PDZD2: variants seen among roughly 807,000 people sequenced by gnomAD.
The protein encoded by PDZD2 is PDZ domain containing 2.
PDZD2 carries 90 observed loss-of-function variants against 220.7 expected under a neutral mutation model. The observed-to-expected ratio is 0.41, with a 90% confidence interval of 0.34 to 0.49. PDZD2 has a LOEUF of 0.49. PDZD2 is among the 20% of genes least tolerant of loss of function. The probability of loss-of-function intolerance (pLI) is 0.28; values close to 1 mark genes in which losing one functional copy is unlikely to be tolerated. For synonymous variants in PDZD2, 1,375 were observed against 1,450.5 expected, an observed-to-expected ratio of 0.95 and a Z score of 1.18; for missense variants, 3,174 against 3,608.5, an observed-to-expected ratio of 0.88 and a Z score of 3.08.
intron 2 of PDZD2, among the ~76,000 whole-genome samples, chr5:31,870,148 G>C (rs1738651993): frequency 6.6e-6 from 1 of 152,116 alleles, no homozygotes; most frequent in Non-Finnish European, 1.5e-5. Flanking sequence ...GCTCTAGCTT[G>C]GGGAATTCTA....
At chr5:32,017,115 C>T (rs1430645011) in intron 6 of PDZD2, among the ~76,000 whole-genome samples, 2 of 152,202 alleles carry the variant, frequency 1.3e-5, no homozygotes, top group African/African-American at 4.8e-5. Context: ...GGTCGCCTTC[C>T]ACTGTCTTGC....
rs1184669214 is a variant in PDZD2 at position 32,042,789 on chromosome 5, G to T, written c.1519+5447G>T. 2.6e-5 allele frequency among the ~76,000 whole-genome samples: 4 copies of T among 152,154 alleles called. No individual in the cohort carries two copies. In the East Asian group the frequency reaches 7.7e-4, roughly 29 times the overall value. On this transcript the variant is annotated intron_variant, in intron 7 of 24. Coordinates refer to ENST00000438447, the MANE Select transcript of PDZD2 (RefSeq NM_178140.4). ...AAGAACAAAGAGAAAGTCATTTAAG[G>T]CCTTTGTGTTTGGGGCGAGGGAGTC...
chr5:31,878,646 G>GC (rs1380066869), intron 2 of PDZD2, among the ~76,000 whole-genome samples: 4 of 129,430 alleles, frequency 3.1e-5, no homozygotes, highest in Admixed American at 3.0e-4. Flanking sequence ...TGCAGGCTCC[G>GC]CCCCCCGGGG....
At chr5:32,105,869 G>T (rs1458112147) in intron 24 of PDZD2, among the ~76,000 whole-genome samples, 1 of 152,024 alleles carries the variant, frequency 6.6e-6, no homozygotes, top group African/African-American at 2.4e-5. Flanking sequence ...TGGTTTAAAC[G>T]AGAGAATTTA....
At chr5:31,961,506 C>T (rs1455656705) in intron 2 of PDZD2, among the ~76,000 whole-genome samples, 1 of 152,192 alleles carries the variant, frequency 6.6e-6, no homozygotes, top group East Asian at 1.9e-4. Context: ...TACACTCCAA[C>T]CTGGGCAACA....
chr5:31,840,981 T>G, intron 2 of PDZD2: 1 of 426,366 alleles, frequency 2.3e-6, no homozygotes. Flanking sequence ...TTTTGGCGAA[T>G]TACTGGAGGA....
chr5:31,720,993 A>G (rs781162645), intron 1 of PDZD2, among the ~76,000 whole-genome samples: 9 of 152,122 alleles, frequency 5.9e-5, no homozygotes, highest in Non-Finnish European at 1.2e-4. Flanking sequence ...GGTGGGGGAA[A>G]ACGAGAGAGG....
intron 1 of PDZD2, among the ~76,000 whole-genome samples, chr5:31,680,593 C>G (rs1000292695): frequency 6.6e-6 from 1 of 152,168 alleles, no homozygotes; most frequent in Non-Finnish European, 1.5e-5. Flanking sequence ...GGGCTGGAAT[C>G]GACCTGCATG....
At chr5:31,967,585 G>A (rs1215251760) in intron 2 of PDZD2, among the ~76,000 whole-genome samples, 1 of 152,194 alleles carries the variant, frequency 6.6e-6, no homozygotes, top group Non-Finnish European at 1.5e-5. Flanking sequence ...AGATACATCA[G>A]ACATAATCTC....
At position 31,797,089 on chromosome 5, in the gene PDZD2, A is replaced by G. The variant is rs932762042; in HGVS notation, c.-360-1800A>G. On this transcript the variant is annotated intron_variant, in intron 1 of 24. Coordinates refer to ENST00000438447, the MANE Select transcript of PDZD2 (RefSeq NM_178140.4). ...ACCACAGGCGCCCGCCACCACACCC[A>G]GCTAATTTTTTTTTTTTTTTTTTTT... 5.4e-4 allele frequency among the ~76,000 whole-genome samples: 64 copies of G among 118,610 alleles called. 3 individuals are homozygous for G. The South Asian group carries it at 0.017, about 32-fold the overall frequency. 77.8% of individuals were successfully genotyped at this position (118,610 alleles called of 152,430 possible).
rs61745726 is a variant in PDZD2 at position 32,077,547 on chromosome 5, G to A, written c.3623G>A (p.Ser1208Asn). The A allele has an allele frequency of 0.015, 24,179 of 1,614,020 alleles. 3,168 individuals are homozygous for A. In the African/African-American group the frequency reaches 0.29, roughly 19 times the overall value. The stretch of plus-strand genomic sequence containing the variant: ...AGTGCTCTGTCCCATCTGGATGCCA[G>A]CCACCTCACAGAGAACCTGCCCAAA... The part of the protein sequence containing the change: ...LASALSHLDA[S>N]HLTENLPKAA... The change falls in exon 19 of 25, where the codon AGC becomes AAC. Residue 1208 changes from serine to asparagine, a missense_variant. By Grantham distance (46) the Ser-to-Asn change is conservative (BLOSUM62 1). Coordinates refer to ENST00000438447, the MANE Select transcript of PDZD2 (RefSeq NM_178140.4).
At chr5:31,881,697 T>C (rs886510951) in intron 2 of PDZD2, among the ~76,000 whole-genome samples, 1 of 146,954 alleles carries the variant, frequency 6.8e-6, no homozygotes, top group East Asian at 2.0e-4. Flanking sequence ...CATAATACAA[T>C]ACACACACAT....
chr5:32,068,891 A>G (rs1256590913), intron 14 of PDZD2, among the ~76,000 whole-genome samples: 2 of 151,966 alleles, frequency 1.3e-5, no homozygotes, highest in Non-Finnish European at 2.9e-5. Flanking sequence ...AATGTGGCAA[A>G]ATGTTAAAAA....
intron 2 of PDZD2, among the ~76,000 whole-genome samples, chr5:31,860,850 T>A (rs879849001): frequency 6.6e-6 from 1 of 152,200 alleles, no homozygotes; most frequent in Non-Finnish European, 1.5e-5. Flanking sequence ...GTACAGCACA[T>A]TAACTTTGAA....
At chr5:31,878,555 C>CCTTTTTT (rs750266997) in intron 2 of PDZD2, among the ~76,000 whole-genome samples, 1 of 48,198 alleles carries the variant, frequency 2.1e-5, no homozygotes, top group African/African-American at 7.0e-5. Context: ...ATGACCTCGG[C>CCTTTTTT]TTTTTTTTTT....
chr5:31,692,691 G>T (rs192156018), intron 1 of PDZD2, among the ~76,000 whole-genome samples: 106 of 152,348 alleles, frequency 7.0e-4, no homozygotes, highest in African/African-American at 2.5e-3. Context: ...CCAGCTGAGG[G>T]ACGTGGACAG....
intron 6 of PDZD2, 85 bp from the exon 7 acceptor site, chr5:32,037,146 C>A: frequency 2.5e-6 from 2 of 814,204 alleles, no homozygotes; most frequent in Non-Finnish European, 4.1e-6. Flanking sequence ...GCTCCTTGAG[C>A]CTTGAGATAA....
chr5:31,845,185 C>G (rs528646892), intron 2 of PDZD2, among the ~76,000 whole-genome samples: 1 of 152,252 alleles, frequency 6.6e-6, no homozygotes, highest in South Asian at 2.1e-4. Context: ...TGTAAAATAC[C>G]TGATTGAGAA....
chr5:31,869,863 G>C (rs1441290018), intron 2 of PDZD2, among the ~76,000 whole-genome samples: 3 of 152,156 alleles, frequency 2.0e-5, no homozygotes, highest in African/African-American at 7.2e-5. Context: ...AGAGAGGGGT[G>C]GGTCTGACCC....
Sources: gnomAD v4.1 joint callset for allele counts (sites outside exome capture counted in the v4.1 genomes callset) on GRCh38, gnomAD v4.1.1 for gene constraint, MANE v1.5 for transcripts, NCBI Gene and HGNC (gene_info 2026-07-23, HGNC 2026-07-21) for gene names.